The following SLC25A21 variants were observed in gnomAD, a reference collection of about 807,000 sequenced individuals.
SLC25A21 encodes the protein solute carrier family 25 member 21.
A neutral mutation model predicts 43.8 loss-of-function variants in SLC25A21; 47 were observed. That is an observed-to-expected ratio of 1.07 (90% confidence interval 0.85 to 1.37). The LOEUF is 1.37. Ranked by LOEUF, SLC25A21 falls within the 40% of genes most tolerant of loss-of-function variation. The pLI is 0.00. For synonymous variants in SLC25A21, 131 were observed against 121.3 expected (o/e 1.08, Z -0.52); for missense variants, 352 against 350.2 (o/e 1.00, Z -0.04).
At chr14:37,052,060 G>C (rs1371123055) in intron 1 of SLC25A21, among the ~76,000 whole-genome samples, 1 of 148,226 alleles carries the variant, frequency 6.7e-6, no homozygotes, top group African/African-American at 2.5e-5. Context: ...TCCAATCTTA[G>C]GTTAAAACCA....
intron 1 of SLC25A21, among the ~76,000 whole-genome samples, chr14:37,101,612 T>C (rs867220889): frequency 3.9e-5 from 6 of 152,228 alleles, no homozygotes; most frequent in South Asian, 2.1e-4. Flanking sequence ...GGAATAATGG[T>C]ATAACAAACT....
chr14:37,127,130 C>T (rs773147565), intron 1 of SLC25A21, among the ~76,000 whole-genome samples: 35 of 152,092 alleles, frequency 2.3e-4, no homozygotes, highest in Non-Finnish European at 4.0e-4. Context: ...ACGTAAACAG[C>T]GCTAGGTTAG....
chr14:36,697,751 C>CTTTTTTTTTTTTTTTTTTTTTTTTTT (rs1883096336), intron 7 of SLC25A21, among the ~76,000 whole-genome samples: 8 of 73,972 alleles, frequency 1.1e-4, no homozygotes, highest in Non-Finnish European at 1.5e-4. Context: ...TTTTTTTTTG[C>CTTTTTTTTTTTTTTTTTTTTTTTTTT]TTTCCATTTG....
intron 1 of SLC25A21, among the ~76,000 whole-genome samples, chr14:37,042,859 T>C (rs1206506691): frequency 6.6e-6 from 1 of 152,236 alleles, no homozygotes; most frequent in African/African-American, 2.4e-5. Flanking sequence ...CTGCCAACTC[T>C]GTAACACCAG....
chr14:36,890,710 C>T (rs1360532025), intron 1 of SLC25A21, among the ~76,000 whole-genome samples: 1 of 152,100 alleles, frequency 6.6e-6, no homozygotes, highest in Non-Finnish European at 1.5e-5. Flanking sequence ...ATATCAAGTA[C>T]CTGAAGAGCA....
chr14:36,725,847 A>G (rs1440697566), intron 5 of SLC25A21, among the ~76,000 whole-genome samples, 170 bp from the exon 6 acceptor site: 5 of 152,236 alleles, frequency 3.3e-5, no homozygotes, highest in Non-Finnish European at 7.3e-5. Context: ...AGATGCTGAC[A>G]ATTCATGAAG....
chr14:36,832,693 C>A (rs976473412), intron 2 of SLC25A21, among the ~76,000 whole-genome samples: 4 of 152,154 alleles, frequency 2.6e-5, no homozygotes, highest in Non-Finnish European at 5.9e-5. Context: ...AAAGAATCTA[C>A]TTTGCAACAA....
intron 3 of SLC25A21, among the ~76,000 whole-genome samples, chr14:36,793,934 A>AC (rs1887582368): frequency 6.6e-6 from 1 of 152,006 alleles, no homozygotes; most frequent in African/African-American, 2.4e-5. Flanking sequence ...AAAAAAAAAA[A>AC]AAAAACTTGG....
intron 6 of SLC25A21, among the ~76,000 whole-genome samples, chr14:36,716,497 C>T (rs533824771): frequency 6.6e-6 from 1 of 152,216 alleles, no homozygotes; most frequent in East Asian, 1.9e-4. Flanking sequence ...TGTCTGTATC[C>T]TGTAACACCA....
chr14:36,997,707 T>C (rs1001036148), intron 1 of SLC25A21, among the ~76,000 whole-genome samples: 11 of 151,176 alleles, frequency 7.3e-5, no homozygotes, highest in African/African-American at 1.9e-4. Context: ...CAGGTGCCTG[T>C]AATCCCAAAT....
At chr14:36,713,432 A>G (rs918527670) in intron 6 of SLC25A21, among the ~76,000 whole-genome samples, 29 of 152,056 alleles carry the variant, frequency 1.9e-4, no homozygotes, top group Non-Finnish European at 3.5e-4. Context: ...CCTGATTTTC[A>G]CTGGCTTGGG....
intron 1 of SLC25A21, among the ~76,000 whole-genome samples, chr14:37,139,936 C>T (rs1963543383): frequency 6.6e-6 from 1 of 152,212 alleles, no homozygotes; most frequent in African/African-American, 2.4e-5. Flanking sequence ...AAAGCAATTT[C>T]TGCCGAAACT....
chr14:37,035,907 T>C (rs907649924), intron 1 of SLC25A21, among the ~76,000 whole-genome samples: 1 of 152,248 alleles, frequency 6.6e-6, no homozygotes, highest in Non-Finnish European at 1.5e-5. Context: ...CATTATGTCA[T>C]ATACCACCAG....
intron 1 of SLC25A21, among the ~76,000 whole-genome samples, chr14:37,144,994 CAT>C (rs1422237865): frequency 6.6e-6 from 1 of 151,918 alleles, no homozygotes; most frequent in African/African-American, 2.4e-5. Context: ...CTTAACTACT[CAT>C]ATGTTTTCCC....
intron 5 of SLC25A21, among the ~76,000 whole-genome samples, chr14:36,727,129 C>T (rs755406334): frequency 8.5e-4 from 129 of 152,240 alleles, no homozygotes; most frequent in Admixed American, 1.2e-3. Context: ...CAGCTTGCCC[C>T]TCACTTGCTA....
chr14:36,884,251 TCTTG>T (rs1408418710), intron 1 of SLC25A21, among the ~76,000 whole-genome samples: 6 of 152,294 alleles, frequency 3.9e-5, no homozygotes, highest in African/African-American at 1.2e-4. Flanking sequence ...TCTATTCATG[TCTTG>T]CTTATTTCAC....
intron 3 of SLC25A21, among the ~76,000 whole-genome samples, chr14:36,770,806 A>G (rs1367796849): frequency 6.6e-6 from 1 of 152,154 alleles, no homozygotes; most frequent in East Asian, 1.9e-4. Flanking sequence ...TGCCATATAT[A>G]ATTATGTTAT....
chr14:36,827,365 T>C (rs1888871500), intron 2 of SLC25A21, among the ~76,000 whole-genome samples: 1 of 152,320 alleles, frequency 6.6e-6, no homozygotes, highest in South Asian at 2.1e-4. Context: ...CAAAGTGTTC[T>C]GCTTCCCAGT....
intron 7 of SLC25A21, among the ~76,000 whole-genome samples, chr14:36,690,108 A>G (rs1009840309): frequency 6.6e-6 from 1 of 152,182 alleles, no homozygotes; most frequent in African/African-American, 2.4e-5. Flanking sequence ...TACCTATCTC[A>G]TAGTTTGAGT....
Sources: gnomAD v4.1 joint callset for allele counts (sites outside exome capture counted in the v4.1 genomes callset) on GRCh38, gnomAD v4.1.1 for gene constraint, MANE v1.5 for transcripts, NCBI Gene and HGNC (gene_info 2026-07-23, HGNC 2026-07-21) for gene names.